SLC8A1: variants seen among roughly 807,000 people sequenced by gnomAD.
SLC8A1 encodes the protein sodium/calcium exchanger 1.
SLC8A1 carries 18 observed loss-of-function variants against 68.3 expected under a neutral mutation model. The observed-to-expected ratio is 0.26, with a 90% CI of 0.18 to 0.39. The LOEUF (loss-of-function observed/expected upper bound fraction) is 0.39, where lower values mean the gene tolerates loss of function less well. Among genes scored for constraint, SLC8A1 ranks in the 10% least tolerant of loss-of-function variants. The pLI, the probability that SLC8A1 is intolerant of heterozygous loss-of-function variation, is 1.00. For synonymous variants in SLC8A1, 475 were observed against 415.5 expected (o/e 1.14, Z -1.74); for missense variants, 985 against 1,156.7 (o/e 0.85, Z 2.15).
intron 6 of SLC8A1, among the ~76,000 whole-genome samples, chr2:40,157,704 C>T (rs2044825894): frequency 6.6e-6 from 1 of 152,156 alleles, no homozygotes; most frequent in African/African-American, 2.4e-5. Context: ...TATGCTGGCA[C>T]ACTTTAACAG....
intron 2 of SLC8A1, among the ~76,000 whole-genome samples, chr2:40,272,932 C>T (rs929829058): frequency 6.6e-6 from 1 of 152,052 alleles, no homozygotes; most frequent in Non-Finnish European, 1.5e-5. Context: ...GACATGCACA[C>T]ACTCCAAATA....
chr2:40,413,102 A>T (rs1227569279), intron 2 of SLC8A1, among the ~76,000 whole-genome samples: 1 of 152,120 alleles, frequency 6.6e-6, no homozygotes, highest in African/African-American at 2.4e-5. Flanking sequence ...TCAGGAAACA[A>T]CAGGTGCTGG....
intron 2 of SLC8A1, among the ~76,000 whole-genome samples, chr2:40,288,194 C>T (rs982923237): frequency 6.6e-6 from 1 of 151,920 alleles, no homozygotes; most frequent in Non-Finnish European, 1.5e-5. Context: ...AATAATAGAC[C>T]CCCTCAAGAA....
intron 2 of SLC8A1, among the ~76,000 whole-genome samples, chr2:40,219,035 C>CTACCTGCAACCCTTGA (rs2057922216): frequency 2.7e-4 from 3 of 10,970 alleles, no homozygotes; most frequent in African/African-American, 1.1e-3. Context: ...AATCCTATTT[C>CTACCTGCAACCCTTGA]TTGGTCTGAT....
chr2:40,242,691 C>G (rs951116614), intron 2 of SLC8A1, among the ~76,000 whole-genome samples: 1 of 152,084 alleles, frequency 6.6e-6, no homozygotes, highest in Non-Finnish European at 1.5e-5. Flanking sequence ...CAGAAGCAAA[C>G]CAAAATCCAG....
At chr2:40,431,172 T>C (rs1354590430) in intron 1 of SLC8A1, among the ~76,000 whole-genome samples, 1 of 151,996 alleles carries the variant, frequency 6.6e-6, no homozygotes, top group Non-Finnish European at 1.5e-5. Flanking sequence ...GAAAGGGAGA[T>C]AAACAGGCCA....
chr2:40,200,881 A>C (rs450116), intron 2 of SLC8A1, among the ~76,000 whole-genome samples: 2 of 151,784 alleles, frequency 1.3e-5, no homozygotes, highest in Admixed American at 6.6e-5. Flanking sequence ...AAATATTTAT[A>C]TATGATAAAA....
At chr2:40,298,127 C>G (rs2070766489) in intron 2 of SLC8A1, among the ~76,000 whole-genome samples, 1 of 152,114 alleles carries the variant, frequency 6.6e-6, no homozygotes, top group Admixed American at 6.6e-5. Flanking sequence ...GATGATTCAC[C>G]CACCTCAGCC....
intron 2 of SLC8A1, among the ~76,000 whole-genome samples, chr2:40,179,261 G>A (rs2049017293): frequency 1.3e-5 from 2 of 152,202 alleles, no homozygotes; most frequent in Non-Finnish European, 2.9e-5. Context: ...CCAAAGTTGA[G>A]TTTTAACTTT....
chr2:40,466,603 A>T (rs116109653), intron 1 of SLC8A1, among the ~76,000 whole-genome samples: 1 of 152,142 alleles, frequency 6.6e-6, no homozygotes, highest in Non-Finnish European at 1.5e-5. Flanking sequence ...GCTTCTTTCT[A>T]TATTACGAGG....
At chr2:40,232,177 C>T (rs2059737223) in intron 2 of SLC8A1, among the ~76,000 whole-genome samples, 1 of 152,000 alleles carries the variant, frequency 6.6e-6, no homozygotes, top group Admixed American at 6.6e-5. Flanking sequence ...AACGGAAAAC[C>T]TTAGGAGACC....
intron 1 of SLC8A1, among the ~76,000 whole-genome samples, chr2:40,490,745 A>G (rs542904203): frequency 1.5e-4 from 23 of 152,236 alleles, no homozygotes; most frequent in South Asian, 1.0e-3. Flanking sequence ...AAATATATTG[A>G]ACACAAGGTA....
intron 2 of SLC8A1, among the ~76,000 whole-genome samples, chr2:40,399,971 T>A (rs1688199483): frequency 6.6e-6 from 1 of 152,228 alleles, no homozygotes; most frequent in Non-Finnish European, 1.5e-5. Context: ...TTATTTTACC[T>A]ATAGATTACA....
At chr2:40,417,545 G>C (rs936419094) in intron 2 of SLC8A1, among the ~76,000 whole-genome samples, 20 of 152,084 alleles carry the variant, frequency 1.3e-4, no homozygotes, top group Admixed American at 1.2e-3. Context: ...GTCTCGCTCT[G>C]TCACCCAGGC....
At chr2:40,110,117 G>T (rs567024616) in exon 8 of SLC8A1, 1 of 152,106 alleles carries the variant, frequency 6.6e-6, no homozygotes, top group African/African-American at 2.4e-5. Context: ...AGTGAAATAC[G>T]TACCATTTCT....
At chr2:40,253,964 G>C (rs567935535) in intron 2 of SLC8A1, among the ~76,000 whole-genome samples, 5 of 144,328 alleles carry the variant, frequency 3.5e-5, no homozygotes, top group Non-Finnish European at 7.6e-5. Context: ...TAGCACAACA[G>C]GGTGACTACA....
chr2:40,145,007 C>G (rs1399716444), intron 6 of SLC8A1, among the ~76,000 whole-genome samples: 1 of 152,116 alleles, frequency 6.6e-6, no homozygotes, highest in East Asian at 1.9e-4. Context: ...CCCATTCGAT[C>G]TCTAAACATG....
intron 2 of SLC8A1, chr2:40,337,346 C>T (rs1423639965): frequency 2.0e-5 from 7 of 349,350 alleles, no homozygotes; most frequent in African/African-American, 4.1e-5. Flanking sequence ...CATACTACTA[C>T]TCAAGACAGC....
intron 6 of SLC8A1, among the ~76,000 whole-genome samples, chr2:40,142,730 A>T (rs1573069885): frequency 6.6e-6 from 1 of 152,188 alleles, no homozygotes; most frequent in African/African-American, 2.4e-5. Flanking sequence ...TAATTAGATC[A>T]TGTTTGTAAA....
Sources: gnomAD v4.1 joint callset for allele counts (sites outside exome capture counted in the v4.1 genomes callset) on GRCh38, gnomAD v4.1.1 for gene constraint, MANE v1.5 for transcripts, NCBI Gene and HGNC (gene_info 2026-07-23, HGNC 2026-07-21) for gene names.